Variants in ADAMTSL1 observed in about 807,000 individuals in gnomAD.
The protein encoded by ADAMTSL1 is ADAMTS like 1.
In ADAMTSL1, 126 loss-of-function variants were observed where a neutral mutation model predicts 201.8. The observed-to-expected ratio is 0.62, with a 90% CI of 0.54 to 0.72. The LOEUF (loss-of-function observed/expected upper bound fraction) is 0.72, where lower values mean the gene tolerates loss of function less well. ADAMTSL1 is among the 30% of genes least tolerant of loss of function. The pLI is 0.00. For synonymous variants in ADAMTSL1, 1,121 were observed against 903.4 expected (o/e 1.24, Z -4.32); for missense variants, 2,679 against 2,277.8 (o/e 1.18, Z -3.59).
rs145612454 is a variant in ADAMTSL1 at position 17,947,518 on chromosome 9, C to G, written c.87+40596C>G. Among the ~76,000 whole-genome samples, 454 of 152,054 alleles carry G rather than the reference C, an allele frequency of 3.0e-3. 5 individuals are homozygous for G. Among genetic ancestry groups the G allele is most frequent in the African/African-American group, 0.01 (420 of 41,480 alleles). ...AAATTTTTGTTTTGTATTTGTATCA[C>G]AAAAACAAATACATTTATTTTCAGT... On this transcript the variant is annotated intron_variant, in intron 1 of 29. Coordinates refer to the ADAMTSL1 transcript ENST00000680146.
chr9:18,488,539 C>T (rs1191603822), intron 1 of ADAMTSL1, among the ~76,000 whole-genome samples: 1 of 152,210 alleles, frequency 6.6e-6, no homozygotes, highest in Non-Finnish European at 1.5e-5. Flanking sequence ...AACCCTGGTT[C>T]CACCAGTGTA....
chr9:18,002,684 T>G (rs1460102913), intron 1 of ADAMTSL1, among the ~76,000 whole-genome samples: 1 of 152,052 alleles, frequency 6.6e-6, no homozygotes, highest in African/African-American at 2.4e-5. Flanking sequence ...TTACATGAAT[T>G]AATTCATATA....
In ADAMTSL1 at chr9:18,033,023, A is replaced by C. The variant is rs537150622; in HGVS notation, c.87+126101A>C. ...TGATATTTTGGTTTCTCTCTGTGGG[A>C]CAGGCACCTCCCCACTATGCCTAGT... On this transcript the variant is annotated intron_variant, in intron 1 of 29. Transcript: ENST00000680146. 3.9e-5 allele frequency among the ~76,000 whole-genome samples: 6 copies of C among 152,242 alleles called. No homozygotes were observed. The South Asian group carries it at 1.2e-3, about 32-fold the overall frequency.
intron 13 of ADAMTSL1, among the ~76,000 whole-genome samples, chr9:18,689,142 G>C (rs1831057834): frequency 6.6e-6 from 1 of 151,978 alleles, no homozygotes. Context: ...ACTACAAAGT[G>C]GTAGTACAAT....
chr9:18,152,908 G>A (rs1030757878), intron 1 of ADAMTSL1, among the ~76,000 whole-genome samples: 3 of 151,854 alleles, frequency 2.0e-5, no homozygotes, highest in Non-Finnish European at 4.4e-5. Flanking sequence ...TTAATCCCAC[G>A]GATTGTCAAA....
intron 2 of ADAMTSL1, among the ~76,000 whole-genome samples, chr9:18,261,082 G>A (rs535935985): frequency 1.2e-3 from 119 of 102,196 alleles, no homozygotes; most frequent in Non-Finnish European, 1.7e-3. Flanking sequence ...AAAGTGTGGG[G>A]CGGGGGGTGG....
intron 23 of ADAMTSL1, among the ~76,000 whole-genome samples, chr9:18,842,414 A>C (rs1825780184): frequency 6.6e-6 from 1 of 151,902 alleles, no homozygotes; most frequent in Non-Finnish European, 1.5e-5. Flanking sequence ...AGTTTGTTAT[A>C]ATTTCTGTTC....
At chr9:18,525,910 C>A (rs545461102) in intron 2 of ADAMTSL1, among the ~76,000 whole-genome samples, 3 of 152,094 alleles carry the variant, frequency 2.0e-5, no homozygotes, top group African/African-American at 7.2e-5. Flanking sequence ...TCGAGAAGAA[C>A]GTATATTCTG....
chr9:18,177,218 A>G (rs1482147523), intron 2 of ADAMTSL1, among the ~76,000 whole-genome samples: 6 of 152,212 alleles, frequency 3.9e-5, no homozygotes, highest in African/African-American at 1.4e-4. Context: ...GCCCCAAAGA[A>G]TGAATGAATG....
chr9:18,518,784 C>A (rs1038105937), intron 2 of ADAMTSL1, among the ~76,000 whole-genome samples: 1 of 152,176 alleles, frequency 6.6e-6, no homozygotes, highest in African/African-American at 2.4e-5. Context: ...TCTCAGCTCG[C>A]TGCAACCTCT....
intron 3 of ADAMTSL1, among the ~76,000 whole-genome samples, chr9:18,537,633 T>C (rs1449934878): frequency 6.7e-6 from 1 of 149,748 alleles, no homozygotes; most frequent in Non-Finnish European, 1.5e-5. Context: ...GTTTTGGGGG[T>C]GGAGGGGTGA....
chr9:18,435,439 T>C (rs1259572198), intron 2 of ADAMTSL1, among the ~76,000 whole-genome samples: 1 of 152,176 alleles, frequency 6.6e-6, no homozygotes, highest in East Asian at 1.9e-4. Flanking sequence ...GTTCAAATAC[T>C]CACACAAATA....
At chr9:18,119,048 A>G (rs1048639307) in intron 1 of ADAMTSL1, among the ~76,000 whole-genome samples, 5 of 152,126 alleles carry the variant, frequency 3.3e-5, no homozygotes, top group Non-Finnish European at 5.9e-5. Flanking sequence ...ACTCTGAGCA[A>G]GTTACTTAAC....
chr9:18,031,127 C>G (rs191189420), intron 1 of ADAMTSL1, among the ~76,000 whole-genome samples: 1 of 152,194 alleles, frequency 6.6e-6, no homozygotes, highest in East Asian at 1.9e-4. Flanking sequence ...AGCTTCTTTG[C>G]CGTCCAGATT....
intron 4 of ADAMTSL1, among the ~76,000 whole-genome samples, chr9:18,620,357 G>A (rs1825966974): frequency 6.6e-6 from 1 of 152,120 alleles, no homozygotes; most frequent in Non-Finnish European, 1.5e-5. Context: ...TCATGAGAGT[G>A]GACCCATAGA....
intron 1 of ADAMTSL1, among the ~76,000 whole-genome samples, chr9:18,026,548 G>A (rs1451987346): frequency 6.6e-6 from 1 of 151,950 alleles, no homozygotes; most frequent in African/African-American, 2.4e-5. Flanking sequence ...TATACTCCAG[G>A]AATAAAGCTA....
intron 3 of ADAMTSL1, among the ~76,000 whole-genome samples, chr9:18,566,455 A>G (rs1821898715): frequency 6.6e-6 from 1 of 152,238 alleles, no homozygotes; most frequent in Non-Finnish European, 1.5e-5. Context: ...TAAGTGTTAT[A>G]GGAAAAAGGA....
At chr9:18,803,103 A>C (rs986034190) in intron 20 of ADAMTSL1, among the ~76,000 whole-genome samples, 4 of 152,250 alleles carry the variant, frequency 2.6e-5, no homozygotes, top group African/African-American at 9.6e-5. Flanking sequence ...GACTTAAAGC[A>C]ATACAAATAC....
intron 1 of ADAMTSL1, among the ~76,000 whole-genome samples, chr9:17,917,313 T>G (rs1214920858): frequency 6.6e-6 from 1 of 152,124 alleles, no homozygotes; most frequent in Non-Finnish European, 1.5e-5. Context: ...TATGAACAGA[T>G]ATCCTTGTCT....
Sources: gnomAD v4.1 joint callset for allele counts (sites outside exome capture counted in the v4.1 genomes callset) on GRCh38, gnomAD v4.1.1 for gene constraint, MANE v1.5 for transcripts, NCBI Gene and HGNC (gene_info 2026-07-23, HGNC 2026-07-21) for gene names.